Variants in HEPACAM2 observed in about 807,000 individuals in gnomAD.
The protein encoded by HEPACAM2 is HEPACAM family member 2.
In HEPACAM2, 49 loss-of-function variants were observed where a neutral mutation model predicts 49.6. The ratio of observed to expected loss-of-function variants is 0.99; its 90% CI spans 0.78 to 1.25. HEPACAM2 has a LOEUF of 1.25. Ranked by LOEUF, HEPACAM2 falls within the 50% of genes most tolerant of loss-of-function variation. HEPACAM2 has a pLI of 0.00. For missense variants in HEPACAM2, 525 were observed against 557.2 expected, an observed-to-expected ratio of 0.94 and a Z score of 0.58; for synonymous variants, 197 against 202.9, an observed-to-expected ratio of 0.97 and a Z score of 0.25.
intron 1 of HEPACAM2, 45 bp downstream of exon 1, chr7:93,226,323 A>AG (rs1158396726): frequency 6.9e-7 from 1 of 1,448,662 alleles, no homozygotes; most frequent in Admixed American, 1.9e-5. Flanking sequence ...ATTAAAAAAA[A>AG]AAAACCTAAC....
chr7:93,204,592 T>C (rs73415318), intron 4 of HEPACAM2, among the ~76,000 whole-genome samples: 1,602 of 152,258 alleles, frequency 0.011, 26 homozygotes, highest in African/African-American at 0.034. Context: ...TTCCTAACTT[T>C]GCATTAATAT....
chr7:93,203,683 C>G (rs1309548698), intron 4 of HEPACAM2, among the ~76,000 whole-genome samples: 1 of 152,120 alleles, frequency 6.6e-6, no homozygotes, highest in Non-Finnish European at 1.5e-5. Flanking sequence ...CAAATATGGT[C>G]AAGAGGTGTG....
intron 3 of HEPACAM2, among the ~76,000 whole-genome samples, chr7:93,209,987 GC>G (rs1794139240): frequency 6.6e-6 from 1 of 151,746 alleles, no homozygotes; most frequent in South Asian, 2.1e-4. Context: ...TAACTACTTA[GC>G]CCCTGGTGTT....
chr7:93,223,635 T>C (rs1007356815), intron 1 of HEPACAM2, among the ~76,000 whole-genome samples: 1 of 152,188 alleles, frequency 6.6e-6, no homozygotes, highest in Non-Finnish European at 1.5e-5. Flanking sequence ...AAAGTTTTTT[T>C]CAAATATGTA....
intron 1 of HEPACAM2, among the ~76,000 whole-genome samples, chr7:93,225,162 G>A (rs562436763): frequency 6.6e-6 from 1 of 152,180 alleles, no homozygotes; most frequent in East Asian, 1.9e-4. Context: ...AATGATAGTA[G>A]TCCTACTGTT....
At chr7:93,195,959 T>A in intron 7 of HEPACAM2, 58 bp from the exon 8 acceptor site, 1 of 1,262,876 alleles carries the variant, frequency 7.9e-7, no homozygotes, top group Non-Finnish European at 1.2e-6. Flanking sequence ...CTGTTGTTTT[T>A]TAAACCTTTG....
intron 3 of HEPACAM2, among the ~76,000 whole-genome samples, chr7:93,213,890 G>A (rs1794240000): frequency 1.3e-5 from 2 of 152,104 alleles, no homozygotes; most frequent in Non-Finnish European, 2.9e-5. Flanking sequence ...AGAAAGAGAA[G>A]TGTGAATAAC....
chr7:93,218,981 GATTA>G (rs752083144), intron 2 of HEPACAM2, 116 bp downstream of exon 2: 10 of 741,774 alleles, frequency 1.3e-5, no homozygotes, highest in African/African-American at 5.3e-5. Context: ...AGGCTTTGAG[GATTA>G]ATTGATTTGT....
chr7:93,204,336 A>G (rs1039457173), intron 4 of HEPACAM2, among the ~76,000 whole-genome samples: 1 of 146,422 alleles, frequency 6.8e-6, no homozygotes, highest in Non-Finnish European at 1.5e-5. Flanking sequence ...CTATCTATCT[A>G]TCTATCTATC....
intron 5 of HEPACAM2, 31 bp from the exon 6 acceptor site, chr7:93,197,428 G>GT (rs748841030): frequency 7.7e-5 from 122 of 1,579,068 alleles, no homozygotes; most frequent in African/African-American, 1.8e-4. Flanking sequence ...AAATGGTAAG[G>GT]TTTTTTTTAG....
Position 93,208,753 on chromosome 7 carries a change from T to C in HEPACAM2, c.839A>G (p.Tyr280Cys). Reference protein sequence around the residue: ...CSADSHPPNTYSWIRRTDNTT... With the variant: ...CSADSHPPNTCSWIRRTDNTT... ...ATTGTCAGTCCTCCTAATCCAGGAG[T>C]AGGTGTTGGGGGGATGAGAATCAGC... is the stretch of plus-strand genomic sequence containing the variant. Residue 280 changes from tyrosine (Y) to cysteine (C), a missense_variant, in exon 4 of 10, where the codon TAC becomes TGC. Coordinates refer to ENST00000394468, the MANE Select transcript of HEPACAM2 (RefSeq NM_001039372.4). 6.2e-7 allele frequency: 1 copy of C among 1,612,850 alleles called. No individual in the cohort carries two copies. The highest frequency in any genetic ancestry group is 8.5e-7 in the Non-Finnish European group (1 of 1,179,352).
At chr7:93,231,703 G>A in the HEPACAM2 span, among the ~76,000 whole-genome samples, 1 of 152,174 alleles carries the variant, frequency 6.6e-6, no homozygotes, top group Non-Finnish European at 1.5e-5. Context: ...GGACTTTAAA[G>A]TGACAGGTAT....
At chr7:93,218,855 G>A (rs1024089585) in intron 2 of HEPACAM2, among the ~76,000 whole-genome samples, 4 of 152,048 alleles carry the variant, frequency 2.6e-5, no homozygotes, top group African/African-American at 9.7e-5. Context: ...CAAACAATAA[G>A]TTATACTTAG....
intron 7 of HEPACAM2, 55 bp downstream of exon 7, chr7:93,197,186 C>A: frequency 7.9e-7 from 1 of 1,260,314 alleles, no homozygotes; most frequent in Non-Finnish European, 1.1e-6. Context: ...AATATTAACA[C>A]AACTAATTAA....
At chr7:93,214,476 G>T (rs1449911677) in intron 3 of HEPACAM2, among the ~76,000 whole-genome samples, 2 of 152,060 alleles carry the variant, frequency 1.3e-5, no homozygotes, top group Non-Finnish European at 1.5e-5. Flanking sequence ...CATGTGATAG[G>T]TGTTTCTCTA....
chr7:93,191,488 T>C (rs1411295772), intron 9 of HEPACAM2, among the ~76,000 whole-genome samples: 1 of 152,168 alleles, frequency 6.6e-6, no homozygotes, highest in East Asian at 1.9e-4. Flanking sequence ...TTTCTGTATG[T>C]GGTTATTGAT....
chr7:93,219,429 C>G lies in HEPACAM2; in HGVS notation c.102G>C (p.Val34=), dbSNP rs1310081541. 1.2e-6 allele frequency: 2 copies of G among 1,613,960 alleles called. No homozygotes were observed. Among genetic ancestry groups the G allele is most frequent in the South Asian group, 2.2e-5 (2 of 91,062 alleles). Residue 34 remains valine (V), a synonymous_variant, in exon 2 of 10, where the codon GTG becomes GTC. Transcript: ENST00000394468. ...CATGGACAGTGTGTGATGGCACTGT[C>G]ACCTTCAGCCCCGAGCAAGCACCTG... is the stretch of plus-strand genomic sequence containing the variant. The part of the protein sequence containing the change: ...LLFGACSGLK[V]TVPSHTVHGV...
chr7:93,196,033 A>T (rs1246111040), intron 7 of HEPACAM2, 132 bp from the exon 8 acceptor site: 3 of 646,524 alleles, frequency 4.6e-6, no homozygotes, highest in Non-Finnish European at 8.1e-6. Context: ...ACATTTCCTA[A>T]TTCCTATAGT....
At chr7:93,227,018 T>C (rs1216865632), upstream of HEPACAM2, among the ~76,000 whole-genome samples, 5 of 152,344 alleles carry the variant, frequency 3.3e-5, no homozygotes, top group African/African-American at 1.2e-4. Flanking sequence ...TTACAATGAC[T>C]GATTTCATTT....
Sources: gnomAD v4.1 joint callset for allele counts (sites outside exome capture counted in the v4.1 genomes callset) on GRCh38, gnomAD v4.1.1 for gene constraint, MANE v1.5 for transcripts, NCBI Gene and HGNC (gene_info 2026-07-23, HGNC 2026-07-21) for gene names.